The following ECHDC2 variants were observed in gnomAD, a reference collection of about 807,000 sequenced individuals.
The protein encoded by ECHDC2 is enoyl-CoA hydratase domain containing 2.
Under a neutral mutation model 40.6 loss-of-function variants are expected in ECHDC2, and 34 were observed. The observed-to-expected ratio is 0.84, with a 90% CI of 0.64 to 1.11. The LOEUF (loss-of-function observed/expected upper bound fraction) is 1.11, where lower values mean the gene tolerates loss of function less well. Among genes scored for constraint, ECHDC2 ranks in the 50% most tolerant of loss-of-function variants. ECHDC2 has a pLI of 0.00. For synonymous variants in ECHDC2, 162 were observed against 166.6 expected (o/e 0.97, Z 0.21); for missense variants, 392 against 400.7 (o/e 0.98, Z 0.19).
At chr1:52,904,079 G>A (rs1014639227) in intron 7 of ECHDC2, among the ~76,000 whole-genome samples, 7 of 152,082 alleles carry the variant, frequency 4.6e-5, no homozygotes, top group Non-Finnish European at 8.8e-5. Flanking sequence ...GCCTCCCAAA[G>A]TGCTGGGATT....
intron 3 of ECHDC2, 133 bp from the exon 4 acceptor site, chr1:52,908,087 G>T: frequency 5.5e-6 from 4 of 721,378 alleles, no homozygotes; most frequent in Non-Finnish European, 9.5e-6. Context: ...AGGAACCCGG[G>T]CAAGGAAGTC....
At chr1:52,912,367 C>G (rs6660715) in intron 1 of ECHDC2, 1 of 152,864 alleles carries the variant, frequency 6.5e-6, no homozygotes, top group Non-Finnish European at 1.5e-5. Flanking sequence ...GCCATTACAC[C>G]TGGCTAATTT....
At chr1:52,897,321 C>T (rs1425786336) in intron 9 of ECHDC2, 116 bp downstream of exon 9, 40 of 1,046,332 alleles carry the variant, frequency 3.8e-5, no homozygotes, top group African/African-American at 9.4e-5. Flanking sequence ...ACGATGGATG[C>T]GGTCAGACTG....
chr1:52,905,227 C>T, intron 5 of ECHDC2, 137 bp from the exon 6 acceptor site: 2 of 869,728 alleles, frequency 2.3e-6, no homozygotes, highest in South Asian at 1.6e-5. Context: ...CCAGGCCTCT[C>T]CAGACTCTGC....
At chr1:52,909,536 A>AC (rs1648867784) in intron 3 of ECHDC2, among the ~76,000 whole-genome samples, 1 of 151,734 alleles carries the variant, frequency 6.6e-6, no homozygotes. Flanking sequence ...AAAAAAAAAA[A>AC]AAAACACCAC....
rs963701969 is a variant in ECHDC2 at position 52,899,363 on chromosome 1, C to T, written c.703-139G>A. On this transcript the variant is annotated intron_variant, in intron 7 of 9. Coordinates refer to ENST00000371522, the MANE Select transcript of ECHDC2 (RefSeq NM_001198961.2). ...GCCATTCTGCTGACAGTTTCTTTAG[C>T]GTTAGTCCTATAACCTGTTAGCTGA... 37 of 743,010 alleles carry T rather than the reference C, an allele frequency of 5.0e-5. No homozygotes were observed. In the Middle Eastern group the frequency reaches 1.2e-3, roughly 25 times the overall value. The allele number at this position is 743,010 out of a possible 1,614,324, so 46.0% of individuals were successfully genotyped here.
chr1:52,901,100 G>A (rs1187992818), intron 7 of ECHDC2: 3 of 152,210 alleles, frequency 2.0e-5, no homozygotes, highest in African/African-American at 7.2e-5. Flanking sequence ...CAATGCTCCA[G>A]TGAGCTGTGA....
chr1:52,900,034 CAG>C (rs574389434), intron 7 of ECHDC2: 44 of 149,446 alleles, frequency 2.9e-4, no homozygotes, highest in Non-Finnish European at 5.3e-4. Flanking sequence ...ATGCTTATGA[CAG>C]ATGAATTTCC....
chr1:52,904,717 C>T lies in ECHDC2; in HGVS notation c.631G>A (p.Val211Met). Residue 211 changes from valine to methionine, a missense_variant, in exon 7 of 10, where the codon GTG (valine) becomes ATG (methionine). Physicochemically the swap from Val to Met is conservative, Grantham distance 21. Transcript: ENST00000371522. ...AHVLGLVNHA[V>M]AQNEEGDAAY... is the part of the protein sequence containing the mutation. ...GCGTCCCCCTCCTCGTTCTGGGCCA[C>T]AGCGTGATTCACCAGCCCCAGTACG... is the stretch of plus-strand genomic sequence containing the variant. 6.2e-7 allele frequency: 1 copy of T among 1,612,720 alleles called. No individual in the cohort carries two copies. The highest frequency in any genetic ancestry group is 8.5e-7 in the Non-Finnish European group (1 of 1,179,956).
upstream of ECHDC2, chr1:52,921,742 C>T: frequency 7.0e-7 from 1 of 1,425,262 alleles, no homozygotes; most frequent in South Asian, 1.5e-5. Context: ...TGAGAGCTCG[C>T]AGTTCCGGCG....
chr1:52,897,820 CATTCTAA>C (rs1160305734), intron 8 of ECHDC2: 1 of 445,520 alleles, frequency 2.2e-6, no homozygotes, highest in African/African-American at 2.0e-5. Context: ...TTGAAAGCCT[CATTCTAA>C]GAGAAGTACC....
At chr1:52,919,818 CCTT>C (rs1434483965) in intron 1 of ECHDC2, among the ~76,000 whole-genome samples, 1 of 152,268 alleles carries the variant, frequency 6.6e-6, no homozygotes, top group East Asian at 1.9e-4. Context: ...TTCTGTCTCT[CCTT>C]CTCTCACTGC....
chr1:52,920,400 G>A (rs1479230072), intron 1 of ECHDC2: 6 of 772,276 alleles, frequency 7.8e-6, no homozygotes, highest in Admixed American at 6.1e-5. Context: ...GGGGCGGCAG[G>A]CGCCATGTCC....
chr1:52,897,650 G>A (rs1646723415), intron 8 of ECHDC2, 166 bp from the exon 9 acceptor site: 3 of 700,506 alleles, frequency 4.3e-6, no homozygotes, highest in East Asian at 5.4e-5. Context: ...TGACAAAACT[G>A]CTGGGAGAAA....
chr1:52,905,414 G>A (rs1330242077), intron 5 of ECHDC2: 5 of 392,196 alleles, frequency 1.3e-5, no homozygotes, highest in Middle Eastern at 7.0e-4. Flanking sequence ...CACGAGGTAC[G>A]ACGCTTGGAA....
At chr1:52,908,358 A>G (rs576894416) in intron 3 of ECHDC2, among the ~76,000 whole-genome samples, 2 of 152,052 alleles carry the variant, frequency 1.3e-5, no homozygotes, top group South Asian at 4.2e-4. Flanking sequence ...AAAATCAGCC[A>G]GGTGTGGTGG....
Position 52,914,354 on chromosome 1 carries a change from CTG to C in ECHDC2, c.122-2566_122-2565del, listed in dbSNP as rs1650220700. On this transcript the variant is annotated intron_variant, in intron 1 of 9. Transcript: ENST00000371522. This position sits in a 1 kb window ranked among gnomAD's most constrained non-coding sequence, Gnocchi z 4.0. Reference sequence around the variant, plus strand: ...CATATGTGAGCGTGTGCATGAGTGCCTGTGTGTGTGCATGCATGTTGGCAAGG... The same window carrying C: ...CATATGTGAGCGTGTGCATGAGTGCCTGTGTGTGCATGCATGTTGGCAAGG... Among the ~76,000 whole-genome samples, 1 of 152,002 alleles carries C rather than the reference CTG, an allele frequency of 6.6e-6. No homozygotes were observed. The highest frequency in any genetic ancestry group is 6.6e-5 in the Admixed American group (1 of 15,254).
At chr1:52,911,337 T>A (rs548591982) in intron 3 of ECHDC2, among the ~76,000 whole-genome samples, 1 of 152,220 alleles carries the variant, frequency 6.6e-6, no homozygotes, top group East Asian at 1.9e-4. Flanking sequence ...ATAGCCGAAA[T>A]AACTAAGATC....
Position 52,905,035 on chromosome 1 carries a change from TG to T in ECHDC2, c.512del (p.Ala171GlufsTer26). 2 of 1,614,212 alleles carry T rather than the reference TG, an allele frequency of 1.2e-6. No individual in the cohort carries two copies. The highest frequency in any genetic ancestry group is 8.5e-7 in the Non-Finnish European group (1 of 1,180,030). Reference sequence around the variant, plus strand: ...GGCGGGTGCTGTAGTTGCGATTACCTGCCCCCGGGAGGAGCCCTCGCGTGGT... The same window carrying T: ...GGCGGGTGCTGTAGTTGCGATTACCTCCCCCGGGAGGAGCCCTCGCGTGGT... ...IETTRGLLPG[A>X]GGTQRLPRCL... On this transcript the variant is annotated frameshift_variant and splice_region_variant, in exon 6 of 10. Transcript: ENST00000371522. LOFTEE classifies it high-confidence loss of function.
Sources: gnomAD v4.1 joint callset for allele counts (sites outside exome capture counted in the v4.1 genomes callset) on GRCh38, gnomAD v4.1.1 for gene constraint, Gnocchi (gnomAD v3.1) non-coding constraint, MANE v1.5 for transcripts, NCBI Gene and HGNC (gene_info 2026-07-23, HGNC 2026-07-21) for gene names.